Variants in DTNB observed in about 807,000 individuals in gnomAD.
DTNB encodes the protein DTN-B.
DTNB carries 63 observed loss-of-function variants against 90.7 expected under a neutral mutation model. The ratio of observed to expected loss-of-function variants is 0.69; its 90% confidence interval spans 0.57 to 0.86. The LOEUF is 0.86. Among genes scored for constraint, DTNB ranks in the 40% least tolerant of loss-of-function variants. DTNB has a pLI of 0.00. For missense variants in DTNB, 744 were observed against 807.1 expected (o/e 0.92, Z 0.95); for synonymous variants, 277 against 286.7 (o/e 0.97, Z 0.34).
rs1307988344 is a variant in DTNB, at chr2:25,587,728, GC to G, written c.604-6903del. Among the ~76,000 whole-genome samples, 3 of 152,174 alleles carry G rather than the reference GC, an allele frequency of 2.0e-5. No homozygotes were observed. In the East Asian group the frequency reaches 5.8e-4, roughly 29 times the overall value. Reference sequence around the variant, plus strand: ...TAGTAAGACACTCTCTCCTTCACAGGCCCAACTAGAATAAAATCTCACTTCT... The same window carrying G: ...TAGTAAGACACTCTCTCCTTCACAGGCCAACTAGAATAAAATCTCACTTCT... On this transcript the variant is annotated intron_variant, in intron 6 of 20. Coordinates refer to ENST00000406818, the MANE Select transcript of DTNB (RefSeq NM_021907.5).
At chr2:25,596,393 CCTTATT>C in intron 5 of DTNB, 153 bp from the exon 6 acceptor site, 5 of 881,118 alleles carry the variant, frequency 5.7e-6, no homozygotes, top group South Asian at 2.0e-5. Flanking sequence ...CTATTCTCAT[CCTTATT>C]AACACTGTGT....
At chr2:25,449,853 C>T (rs920657836) in intron 12 of DTNB, among the ~76,000 whole-genome samples, 35 of 151,224 alleles carry the variant, frequency 2.3e-4, no homozygotes, top group Admixed American at 4.6e-4. Context: ...AGCTCCACCT[C>T]CCAGGTTCAT....
chr2:25,478,005 G>T (rs2064077956), intron 10 of DTNB, among the ~76,000 whole-genome samples: 1 of 114,122 alleles, frequency 8.8e-6, no homozygotes, highest in Admixed American at 1.1e-4. Context: ...TTGTTCTTGT[G>T]AGTTTTTACT....
intron 12 of DTNB, among the ~76,000 whole-genome samples, chr2:25,436,284 G>C (rs1356577086): frequency 6.6e-6 from 1 of 151,992 alleles, no homozygotes; most frequent in African/African-American, 2.4e-5. Flanking sequence ...ATAGTGAGCT[G>C]AGATTGTGCC....
In DTNB at chr2:25,550,688, T is replaced by TTTTTTTTTGAGATGGAGTCTTGCTCTGTC. The variant is rs1275142041; in HGVS notation, c.877-19092_877-19091insGACAGAGCAAGACTCCATCTCAAAAAAAA. Among the ~76,000 whole-genome samples the TTTTTTTTTGAGATGGAGTCTTGCTCTGTC allele has an allele frequency of 3.8e-3, 579 of 152,160 alleles. 4 individuals carry two copies. The highest frequency in any genetic ancestry group is 0.013 in the African/African-American group (542 of 41,462). On this transcript the variant is annotated intron_variant, in intron 8 of 20. Coordinates refer to ENST00000406818, the MANE Select transcript of DTNB (RefSeq NM_021907.5). ...AGACCTCAATTTTTCTTTTCTTTTT[T>TTTTTTTTTGAGATGGAGTCTTGCTCTGTC]ACTCAGGCTGGAGTGCAATGGCGTG...
intron 15 of DTNB, among the ~76,000 whole-genome samples, chr2:25,423,830 T>G (rs974609275): frequency 6.6e-6 from 1 of 152,074 alleles, no homozygotes; most frequent in Non-Finnish European, 1.5e-5. Context: ...CAGGTAACTT[T>G]TGTATTTTTG....
At chr2:25,640,272 T>C (rs1325878374) in intron 2 of DTNB, among the ~76,000 whole-genome samples, 1 of 152,208 alleles carries the variant, frequency 6.6e-6, no homozygotes, top group Non-Finnish European at 1.5e-5. Context: ...CTATCCTTCC[T>C]TTATAAAATT....
intron 9 of DTNB, among the ~76,000 whole-genome samples, chr2:25,500,868 A>C (rs655264): frequency 1.7e-3 from 264 of 152,380 alleles, no homozygotes; most frequent in Admixed American, 4.7e-3. Flanking sequence ...AAAATGAAGA[A>C]TCATAGTGGT....
chr2:25,412,586 C>T (rs939818121), intron 16 of DTNB, among the ~76,000 whole-genome samples: 7 of 152,166 alleles, frequency 4.6e-5, no homozygotes, highest in Non-Finnish European at 4.4e-5. Flanking sequence ...TTCTATTAAA[C>T]ATATATAAAG....
At chr2:25,656,649 A>G (rs2082122394) in intron 1 of DTNB, among the ~76,000 whole-genome samples, 1 of 152,228 alleles carries the variant, frequency 6.6e-6, no homozygotes, top group African/African-American at 2.4e-5. Context: ...ATGCACAAAT[A>G]AAATTCTATG....
chr2:25,424,209 C>T lies in DTNB; in HGVS notation c.1554+3326G>A, dbSNP rs1204697457. On this transcript the variant is annotated intron_variant, in intron 15 of 20. Transcript: ENST00000406818. The surrounding 1 kb of genome is among the most constrained non-coding windows in gnomAD (Gnocchi z 4.1). ...ATTCCTAGATTTGTGTTTGCAAATT[C>T]TTCCTCCCAGTCTGAACAGCCTTAG... Among the ~76,000 whole-genome samples, 1 of 152,178 alleles carries T rather than the reference C, an allele frequency of 6.6e-6. No individual in the cohort carries two copies.
Position 25,628,158 on chromosome 2 carries a change from A to C in DTNB, c.362+13T>G, listed in dbSNP as rs760027635. ...TAAAATGAAGTAAGCGTGTAAGGTA[A>C]GGTACTACTAGCCTGTCATATGCAG... On this transcript the variant is annotated intron_variant, in intron 4 of 20. Transcript: ENST00000406818. 2 of 1,610,856 alleles carry C rather than the reference A, an allele frequency of 1.2e-6. No individual in the cohort carries two copies. Among genetic ancestry groups the C allele is most frequent in the Non-Finnish European group, 1.7e-6 (2 of 1,177,130 alleles).
At chr2:25,640,390 G>A (rs2077993001) in intron 2 of DTNB, among the ~76,000 whole-genome samples, 1 of 152,040 alleles carries the variant, frequency 6.6e-6, no homozygotes, top group African/African-American at 2.4e-5. Context: ...TATGGAGGCG[G>A]GGGGTGGAGG....
At chr2:25,662,376 G>A (rs1479702511) in intron 1 of DTNB, among the ~76,000 whole-genome samples, 2 of 152,188 alleles carry the variant, frequency 1.3e-5, no homozygotes, top group Non-Finnish European at 2.9e-5. Context: ...TACATTTATC[G>A]AGATGGATCA....
chr2:25,499,811 G>C (rs1238765454), intron 9 of DTNB, among the ~76,000 whole-genome samples: 2 of 152,146 alleles, frequency 1.3e-5, no homozygotes, highest in African/African-American at 2.4e-5. Flanking sequence ...ACCACAATTG[G>C]AACACACTGG....
intron 9 of DTNB, among the ~76,000 whole-genome samples, chr2:25,486,049 G>T (rs892472004): frequency 1.3e-5 from 2 of 151,928 alleles, no homozygotes; most frequent in South Asian, 4.2e-4. Flanking sequence ...TTGAACCCGG[G>T]AGGCGGAGGT....
chr2:25,491,549 G>T (rs900286363), intron 9 of DTNB, among the ~76,000 whole-genome samples: 4 of 152,100 alleles, frequency 2.6e-5, no homozygotes, highest in Non-Finnish European at 4.4e-5. Flanking sequence ...ATTTAGATGT[G>T]GTGAGACTAT....
chr2:25,541,115 C>A (rs2151017655), intron 8 of DTNB, among the ~76,000 whole-genome samples: 1 of 150,672 alleles, frequency 6.6e-6, no homozygotes, highest in South Asian at 2.1e-4. Context: ...AATGTAGGTA[C>A]TAACAAGGTT....
intron 9 of DTNB, among the ~76,000 whole-genome samples, chr2:25,484,929 A>G (rs925848241): frequency 1.3e-5 from 2 of 152,216 alleles, no homozygotes; most frequent in Non-Finnish European, 2.9e-5. Flanking sequence ...GAACACAGAG[A>G]TTAGCTTGTA....
Sources: allele counts gnomAD v4.1 joint callset (sites outside exome capture counted in the v4.1 genomes callset), GRCh38; gene constraint gnomAD v4.1.1; non-coding constraint Gnocchi (gnomAD v3.1); transcripts MANE v1.5; gene names NCBI Gene and HGNC (gene_info 2026-07-23, HGNC 2026-07-21).